PCYT2: variants seen among roughly 807,000 people sequenced by gnomAD.
PCYT2 encodes the protein ethanolamine-phosphate cytidylyltransferase.
In PCYT2, 33 loss-of-function variants were observed where a neutral mutation model predicts 50.0. That is an observed-to-expected ratio of 0.66 (90% CI 0.50 to 0.88). PCYT2 has a LOEUF of 0.88. Among genes scored for constraint, PCYT2 ranks in the 40% least tolerant of loss-of-function variants. The probability of loss-of-function intolerance (pLI) is 0.00; values close to 1 mark genes in which losing one functional copy is unlikely to be tolerated. For missense variants in PCYT2, 430 were observed against 519.7 expected (o/e 0.83, Z 1.68); for synonymous variants, 240 against 203.7 (o/e 1.18, Z -1.52).
At position 81,904,846 on chromosome 17, in the gene PCYT2, T is replaced by A; in HGVS notation, c.1157A>T (p.Asp386Val). ...QQAAQPLGER[D>V]GDF Reference sequence around the variant, plus strand: ...GCCTCTGCCAGGTTAGAAGTCACCATCGCGCTCCCCCAGGGGCTGTGCCGC... The same window carrying A: ...GCCTCTGCCAGGTTAGAAGTCACCAACGCGCTCCCCCAGGGGCTGTGCCGC... Residue 386 changes from aspartate (D) to valine (V), a missense_variant, in exon 13 of 13, where the codon GAT becomes GTT. Physicochemically the swap from Asp to Val is radical, Grantham distance 152. Coordinates refer to ENST00000538936, the MANE Select transcript of PCYT2 (RefSeq NM_002861.5). 1 of 1,609,514 alleles carries A rather than the reference T, an allele frequency of 6.2e-7. No individual in the cohort carries two copies. Among genetic ancestry groups the A allele is most frequent in the Non-Finnish European group, 8.5e-7 (1 of 1,177,762 alleles).
intron 5 of PCYT2, 22 bp from the exon 6 acceptor site, chr17:81,907,620 G>A (rs1186604945): frequency 3.7e-6 from 6 of 1,610,550 alleles, no homozygotes; most frequent in Non-Finnish European, 5.1e-6. Context: ...GTCAGAGCAG[G>A]GCTGAGGGGC....
Position 81,908,952 on chromosome 17 carries a change from C to T in PCYT2, c.264G>A (p.Glu88=). ...KMVQAIKWVD[E]VVPAAPYVTT... is the part of the protein sequence containing the mutation. Reference sequence around the variant, plus strand: ...TGACGTAGGGAGCCGCTGGCACCACCTCGTCCACCCATTTGATGGCCTGCA... The same window carrying T: ...TGACGTAGGGAGCCGCTGGCACCACTTCGTCCACCCATTTGATGGCCTGCA... The change falls in exon 3 of 13, where the codon GAG becomes GAA. Residue 88 remains glutamate (E), a synonymous_variant. Transcript: ENST00000538936. The T allele has an allele frequency of 3.7e-6, 6 of 1,614,016 alleles. No individual in the cohort carries two copies. The highest frequency in any genetic ancestry group is 5.1e-6 in the Non-Finnish European group (6 of 1,179,990).
intron 3 of PCYT2, 56 bp downstream of exon 3, chr17:81,908,820 C>G (rs2040422595): frequency 1.3e-6 from 2 of 1,529,504 alleles, no homozygotes; most frequent in Non-Finnish European, 1.8e-6. Context: ...ACCAGCAGAT[C>G]TGATCCTGAG....
At position 81,908,651 on chromosome 17, in the gene PCYT2, A is replaced by G. The variant is rs1416698195; in HGVS notation, c.341-17T>C. The stretch of plus-strand genomic sequence containing the variant: ...TGATGTCATCTAAGCAGTGACACAC[A>G]AGGACAAGGATCCTTAACCCAAAGC... On this transcript the variant is annotated splice_polypyrimidine_tract_variant and intron_variant, in intron 3 of 12. Coordinates refer to ENST00000538936, the MANE Select transcript of PCYT2 (RefSeq NM_002861.5). The G allele has an allele frequency of 6.2e-7, 1 of 1,605,298 alleles. No individual in the cohort carries two copies. Among genetic ancestry groups the G allele is most frequent in the Admixed American group, 1.7e-5 (1 of 59,994 alleles).
Position 81,909,857 on chromosome 17 carries a change from C to T in PCYT2, c.90-255G>A, listed in dbSNP as rs2040481214. Reference sequence around the variant, plus strand: ...CAGGGGCAGAGATGTCAAGGCCTGGCTGGGTCTAGAGGACTGGTGGGTGCA... The same window carrying T: ...CAGGGGCAGAGATGTCAAGGCCTGGTTGGGTCTAGAGGACTGGTGGGTGCA... On this transcript the variant is annotated intron_variant, in intron 1 of 12. Coordinates refer to ENST00000538936, the MANE Select transcript of PCYT2 (RefSeq NM_002861.5). Among the ~76,000 whole-genome samples, 3 of 152,192 alleles carry T rather than the reference C, an allele frequency of 2.0e-5. No homozygotes were observed. In the South Asian group the frequency reaches 6.2e-4, roughly 32 times the overall value.
chr17:81,909,560 C>T lies in PCYT2; in HGVS notation c.132G>A (p.Gln44=), dbSNP rs1279482411. Residue 44 remains glutamine (Q), a synonymous_variant, in exon 2 of 13, where the codon CAG becomes CAA. Transcript: ENST00000538936. ...TGAGGTAGTCACCCATGGCCCGTGC[C>T]TGGCGCAGCTGGTTGGAGTGGCCGT... ...VHYGHSNQLR[Q]ARAMGDYLIV... is the part of the protein sequence containing the mutation. The T allele has an allele frequency of 6.2e-7, 1 of 1,613,804 alleles. No homozygotes were observed. The highest frequency in any genetic ancestry group is 8.5e-7 in the Non-Finnish European group (1 of 1,179,858).
rs781753366 is a variant in PCYT2 at position 81,904,444 on chromosome 17, C to T, written c.*389G>A. ...ACACCCAGAGAACTAAAGGGGTGAC[C>T]GCAGTCACTGCTCCCTAAAGCCCTC... On this transcript the variant is annotated 3_prime_UTR_variant, in exon 13 of 13. Coordinates refer to ENST00000538936, the MANE Select transcript of PCYT2 (RefSeq NM_002861.5). The T allele has an allele frequency of 1.2e-4, 24 of 197,092 alleles. No individual in the cohort carries two copies. The highest frequency in any genetic ancestry group is 1.7e-4 in the Non-Finnish European group (16 of 96,158). The allele number at this position is 197,092 out of a possible 1,614,324, so 12.2% of individuals were successfully genotyped here. A position where few individuals can be genotyped will look rare whatever the true frequency, so the allele number is the denominator to read the frequency against.
chr17:81,902,599 C>T lies in PCYT2; in HGVS notation c.*2234G>A. 1 of 1,551,758 alleles carries T rather than the reference C, an allele frequency of 6.4e-7. No individual in the cohort carries two copies. On this transcript the variant is annotated 3_prime_UTR_variant, in exon 13 of 13. Transcript: ENST00000538936. ...GGTGGGGGTGCGGCGGCCCCTCAGCCTTTGCTTGCCTGCCCCCCAGGCTGT... is the reference window on the plus strand; with the variant it reads ...GGTGGGGGTGCGGCGGCCCCTCAGCTTTTGCTTGCCTGCCCCCCAGGCTGT...
rs1332560572 is a variant in PCYT2, at chr17:81,903,763, C to T, written c.*1070G>A. Reference sequence around the variant, plus strand: ...GGTCGTGAGGTCGACCTCACAACAGCAGAGGACAGGCCCATGGGGTGCCAC... The same window carrying T: ...GGTCGTGAGGTCGACCTCACAACAGTAGAGGACAGGCCCATGGGGTGCCAC... On this transcript the variant is annotated 3_prime_UTR_variant, in exon 13 of 13. Coordinates refer to ENST00000538936, the MANE Select transcript of PCYT2 (RefSeq NM_002861.5). 2 of 152,252 alleles carry T rather than the reference C, an allele frequency of 1.3e-5. No homozygotes were observed. The highest frequency in any genetic ancestry group is 2.9e-5 in the Non-Finnish European group (2 of 68,074). The allele number at this position is 152,252 out of a possible 1,614,324, so 9.4% of individuals were successfully genotyped here. A position where few individuals can be genotyped will look rare whatever the true frequency, so the allele number is the denominator to read the frequency against.
Position 81,902,209 on chromosome 17 carries a change from T to C in PCYT2, c.*2624A>G. On this transcript the variant is annotated 3_prime_UTR_variant, in exon 13 of 13. Transcript: ENST00000538936. ...AGCCTCGGCCCGCCCTCGCCGCAGA[T>C]ATAAGGCGGCCCAGGCGGTGGCTGC... 8.4e-7 allele frequency: 1 copy of C among 1,193,576 alleles called. No individual in the cohort carries two copies. The highest frequency in any genetic ancestry group is 1.0e-6 in the Non-Finnish European group (1 of 961,220). 73.9% of individuals were successfully genotyped at this position (1,193,576 alleles called of 1,614,324 possible). A position where few individuals can be genotyped will look rare whatever the true frequency, so the allele number is the denominator to read the frequency against.
At position 81,902,513 on chromosome 17, in the gene PCYT2, G is replaced by A. The variant is rs188270141; in HGVS notation, c.*2320C>T. 7.4e-4 allele frequency: 1,069 copies of A among 1,444,738 alleles called. 10 individuals carry two copies. The African/African-American group carries it at 0.014, about 19-fold the overall frequency. 89.5% of individuals were successfully genotyped at this position (1,444,738 alleles called of 1,614,324 possible). Reference sequence around the variant, plus strand: ...TCCCCGGAGCTGCAACTGCACCCCAGGCTGCGGAGCCTCGTGAGTCCGGCG... The same window carrying A: ...TCCCCGGAGCTGCAACTGCACCCCAAGCTGCGGAGCCTCGTGAGTCCGGCG... On this transcript the variant is annotated 3_prime_UTR_variant, in exon 13 of 13. Transcript: ENST00000538936.
At chr17:81,908,776 C>G (rs1224438889) in intron 3 of PCYT2, 100 bp downstream of exon 3, 7 of 1,379,064 alleles carry the variant, frequency 5.1e-6, no homozygotes, top group East Asian at 2.3e-5. Flanking sequence ...CTCAGATCCT[C>G]AAAGGGCGGA....
rs2040445183 is a variant in PCYT2, at chr17:81,909,207, C to T, written c.179-170G>A. 24 of 1,439,102 alleles carry T rather than the reference C, an allele frequency of 1.7e-5. No individual in the cohort carries two copies. In the South Asian group the frequency reaches 3.4e-4, roughly 20 times the overall value. The allele number at this position is 1,439,102 out of a possible 1,614,324, so 89.1% of individuals were successfully genotyped here. A position where few individuals can be genotyped will look rare whatever the true frequency, so the allele number is the denominator to read the frequency against. On this transcript the variant is annotated intron_variant, in intron 2 of 12. Coordinates refer to ENST00000538936, the MANE Select transcript of PCYT2 (RefSeq NM_002861.5). ...TGCTGGCCAACTGGGTGGCTCTCTT[C>T]CCTGCGAGGGTCTCAGGCAAAGGCA...
intron 6 of PCYT2, chr17:81,907,149 A>G: frequency 2.2e-6 from 3 of 1,375,182 alleles, no homozygotes; most frequent in Non-Finnish European, 2.9e-6. Context: ...GCCCTGTGGC[A>G]GGTGCACACA....
rs1328038468 is a variant in PCYT2, at chr17:81,902,207, G to A, written c.*2626C>T. 3 of 1,197,322 alleles carry A rather than the reference G, an allele frequency of 2.5e-6. No homozygotes were observed. The highest frequency in any genetic ancestry group is 7.0e-5 in the East Asian group (2 of 28,644). 74.2% of individuals were successfully genotyped at this position (1,197,322 alleles called of 1,614,324 possible). Reference sequence around the variant, plus strand: ...GCAGCCTCGGCCCGCCCTCGCCGCAGATATAAGGCGGCCCAGGCGGTGGCT... The same window carrying A: ...GCAGCCTCGGCCCGCCCTCGCCGCAAATATAAGGCGGCCCAGGCGGTGGCT... On this transcript the variant is annotated 3_prime_UTR_variant, in exon 13 of 13. Transcript: ENST00000538936.
At chr17:81,908,700 A>C in intron 3 of PCYT2, 66 bp from the exon 4 acceptor site, 1 of 1,448,898 alleles carries the variant, frequency 6.9e-7, no homozygotes. Flanking sequence ...AGAGCCCAGG[A>C]CCCTCTCGGC....
chr17:81,905,466 C>T lies in PCYT2; in HGVS notation c.904-19G>A. The T allele has an allele frequency of 1.3e-6, 2 of 1,561,486 alleles. No homozygotes were observed. Among genetic ancestry groups the T allele is most frequent in the Non-Finnish European group, 1.7e-6 (2 of 1,152,744 alleles). ...GGTCCACCTGGAGAAGGAGTGGGGT[C>T]AGGAGCCCTCCCCGGGGAGGCAGCG... On this transcript the variant is annotated intron_variant, in intron 10 of 12. Transcript: ENST00000538936.
intron 2 of PCYT2, 36 bp downstream of exon 2, chr17:81,909,477 TG>T (rs1031804887): frequency 1.3e-6 from 2 of 1,575,784 alleles, no homozygotes; most frequent in Non-Finnish European, 8.7e-7. Flanking sequence ...ACAGGAGGGC[TG>T]GGGGGCCGCG....
At position 81,908,471 on chromosome 17, in the gene PCYT2, G is replaced by A. The variant is rs574816874; in HGVS notation, c.407+97C>T. ...GAGGAACATGGCCCAGGGCCTGGAC[G>A]CTCCCCTCACGGGCTCCCGGTAAAT... On this transcript the variant is annotated intron_variant, in intron 4 of 12. Transcript: ENST00000538936. 2.1e-4 allele frequency: 190 copies of A among 885,536 alleles called. 3 individuals carry two copies. The South Asian group carries it at 2.6e-3, about 12-fold the overall frequency. 54.9% of individuals were successfully genotyped at this position (885,536 alleles called of 1,614,324 possible). A position where few individuals can be genotyped will look rare whatever the true frequency, so the allele number is the denominator to read the frequency against.
Sources: allele counts gnomAD v4.1 joint callset (sites outside exome capture counted in the v4.1 genomes callset), GRCh38; gene constraint gnomAD v4.1.1; transcripts MANE v1.5; gene names NCBI Gene and HGNC (gene_info 2026-07-23, HGNC 2026-07-21).